KCNJ4: variants seen among roughly 807,000 people sequenced by gnomAD.
KCNJ4 encodes potassium inwardly rectifying channel subfamily J member 4.
A neutral mutation model predicts 25.6 loss-of-function variants in KCNJ4; 3 were observed. The observed-to-expected ratio is 0.12, with a 90% CI of 0.05 to 0.30. The LOEUF (loss-of-function observed/expected upper bound fraction) is 0.30, where lower values mean the gene tolerates loss of function less well. Ranked by LOEUF, KCNJ4 falls within the 10% of genes least tolerant of loss-of-function variation. KCNJ4 has a pLI of 1.00. For missense variants in KCNJ4, 286 were observed against 666.8 expected (o/e 0.43, Z 6.29); for synonymous variants, 257 against 283.9 (o/e 0.91, Z 0.95).
chr22:38,450,812 G>A (rs1002880812), intron 1 of KCNJ4, among the ~76,000 whole-genome samples: 14 of 152,176 alleles, frequency 9.2e-5, no homozygotes, highest in Non-Finnish European at 1.5e-4. Context: ...AGCCCCCAGA[G>A]GAGCCAGAGG....
chr22:38,451,514 G>A (rs958586594), intron 1 of KCNJ4, among the ~76,000 whole-genome samples: 3 of 152,220 alleles, frequency 2.0e-5, no homozygotes, highest in African/African-American at 7.2e-5. Context: ...AGGACAGTGG[G>A]GTGAGGGGAT....
intron 1 of KCNJ4, among the ~76,000 whole-genome samples, chr22:38,445,427 A>C (rs1332825702): frequency 6.6e-6 from 1 of 152,206 alleles, no homozygotes; most frequent in Non-Finnish European, 1.5e-5. Flanking sequence ...GTAGCTTTCA[A>C]GTTTTTTGAC....
At position 38,426,957 on chromosome 22, in the gene KCNJ4, A is replaced by T; in HGVS notation, c.1176T>A (p.Ala392=). Residue 392 remains alanine, a synonymous_variant, in exon 2 of 2, where the codon GCT becomes GCA. Transcript: ENST00000303592. ...GGCCTGCGGCCACCGCGGCCGCCGC[A>T]GCTGCCTCCTCCTCCATCTCCTCTT... is the stretch of plus-strand genomic sequence containing the variant. ...QEEEEMEEEA[A]AAAAVAAGLG... The T allele has an allele frequency of 6.2e-7, 1 of 1,612,618 alleles. No homozygotes were observed. The highest frequency in any genetic ancestry group is 8.5e-7 in the Non-Finnish European group (1 of 1,179,778).
rs2093038366 is a variant in KCNJ4, at chr22:38,428,043, C to T, written c.90G>A (p.Val30=). ...ACTTGTTGCTCAGGTTGGCGAAGTA[C>T]ACGTTGCATTGGCCGTTCTTCTTGA... The part of the protein sequence containing the change: ...RFVKKNGQCN[V]YFANLSNKSQ... The change falls in exon 2 of 2, where the codon GTG becomes GTA. Residue 30 remains valine, a synonymous_variant. Coordinates refer to ENST00000303592, the MANE Select transcript of KCNJ4 (RefSeq NM_152868.3). 2 of 1,614,176 alleles carry T rather than the reference C, an allele frequency of 1.2e-6. No homozygotes were observed. Among genetic ancestry groups the T allele is most frequent in the Admixed American group, 1.7e-5 (1 of 60,034 alleles).
chr22:38,436,245 G>T (rs1261363491), intron 1 of KCNJ4, among the ~76,000 whole-genome samples: 1 of 152,214 alleles, frequency 6.6e-6, no homozygotes, highest in Non-Finnish European at 1.5e-5. Context: ...GATCGATAAG[G>T]TGCATTTTAC....
chr22:38,448,103 G>A (rs1044896428), intron 1 of KCNJ4, among the ~76,000 whole-genome samples: 1 of 150,758 alleles, frequency 6.6e-6, no homozygotes, highest in Non-Finnish European at 1.5e-5. Context: ...AAAAGTAGCC[G>A]GGCATGGTGG....
chr22:38,440,406 G>T (rs954257203), intron 1 of KCNJ4, among the ~76,000 whole-genome samples: 1 of 152,110 alleles, frequency 6.6e-6, no homozygotes, highest in African/African-American at 2.4e-5. Flanking sequence ...GCCAGGCATG[G>T]TGGTGCATGC....
chr22:38,441,345 C>G (rs1005072753), intron 1 of KCNJ4, among the ~76,000 whole-genome samples: 1 of 152,068 alleles, frequency 6.6e-6, no homozygotes, highest in Non-Finnish European at 1.5e-5. Flanking sequence ...TTCTGCTGGG[C>G]GGGGGTCAGG....
Position 38,426,730 on chromosome 22 carries a change from G to A in KCNJ4, c.*65C>T, listed in dbSNP as rs2093033523. 1 of 1,538,034 alleles carries A rather than the reference G, an allele frequency of 6.5e-7. No homozygotes were observed. On this transcript the variant is annotated 3_prime_UTR_variant, in exon 2 of 2. Transcript: ENST00000303592. ...TGGCTCTGTCCTGAGTGTGGGAGGGGGTGTCCTGGCATCCCACCCCCGGCA... is the reference window on the plus strand; with the variant it reads ...TGGCTCTGTCCTGAGTGTGGGAGGGAGTGTCCTGGCATCCCACCCCCGGCA...
intron 1 of KCNJ4, among the ~76,000 whole-genome samples, chr22:38,444,361 G>A (rs974616211): frequency 6.6e-5 from 10 of 152,218 alleles, no homozygotes; most frequent in South Asian, 2.1e-4. Flanking sequence ...TTTTTGACAC[G>A]GTAGTCAGGG....
intron 1 of KCNJ4, among the ~76,000 whole-genome samples, chr22:38,439,084 A>C (rs924455790): frequency 1.3e-5 from 2 of 152,184 alleles, no homozygotes; most frequent in Admixed American, 1.3e-4. Flanking sequence ...CATCTCTACA[A>C]AAAATTTAAG....
At position 38,428,183 on chromosome 22, in the gene KCNJ4, A is replaced by G. The variant is rs946341521; in HGVS notation, c.-39-12T>C. On this transcript the variant is annotated splice_polypyrimidine_tract_variant and intron_variant, in intron 1 of 1. Coordinates refer to ENST00000303592, the MANE Select transcript of KCNJ4 (RefSeq NM_152868.3). ...GGAAGACGCAGGGCCTGCGGAGGAG[A>G]AGCCGGACAGGTGAGATGCTGGGGA... is the stretch of plus-strand genomic sequence containing the variant. 28 of 1,562,346 alleles carry G rather than the reference A, an allele frequency of 1.8e-5. No individual in the cohort carries two copies. Among genetic ancestry groups the G allele is most frequent in the Non-Finnish European group, 2.4e-5 (28 of 1,154,578 alleles).
chr22:38,450,267 C>G (rs567762192), intron 1 of KCNJ4, among the ~76,000 whole-genome samples: 2 of 152,238 alleles, frequency 1.3e-5, no homozygotes, highest in African/African-American at 4.8e-5. Flanking sequence ...CCAGGACCCA[C>G]AGTCCTCCCA....
intron 1 of KCNJ4, among the ~76,000 whole-genome samples, chr22:38,452,227 T>C (rs2089414217): frequency 6.6e-6 from 1 of 152,120 alleles, no homozygotes; most frequent in Non-Finnish European, 1.5e-5. Flanking sequence ...GGCCAGCCGT[T>C]CTCTATACAG....
chr22:38,433,381 G>C lies in KCNJ4; in HGVS notation c.-39-5210C>G, dbSNP rs561003723. Among the ~76,000 whole-genome samples, 455 of 152,266 alleles carry C rather than the reference G, an allele frequency of 3.0e-3. 3 individuals carry two copies. The highest frequency in any genetic ancestry group is 0.011 in the African/African-American group (444 of 41,552). ...GAATCACTTGAACCTGGGAGGCGGA[G>C]GTTGCAGTGAGCCGAGATCGTGTCA... On this transcript the variant is annotated intron_variant, in intron 1 of 1. Transcript: ENST00000303592.
In KCNJ4 at chr22:38,426,922, T is replaced by TCCAGGC; in HGVS notation, c.1205_1210dup (p.Gly402_Leu403dup). The TCCAGGC allele has an allele frequency of 6.2e-7, 1 of 1,612,706 alleles. No individual in the cohort carries two copies. The highest frequency in any genetic ancestry group is 8.5e-7 in the Non-Finnish European group (1 of 1,179,858). ...GCCCGCCTCCTCCTTGGAACCCGCC[T>TCCAGGC]CCAGGCCCAGGCCTGCGGCCACCGC... On this transcript the variant is annotated inframe_insertion, in exon 2 of 2. Transcript: ENST00000303592.
At chr22:38,442,471 C>T (rs535724187) in intron 1 of KCNJ4, among the ~76,000 whole-genome samples, 11 of 143,100 alleles carry the variant, frequency 7.7e-5, no homozygotes, top group South Asian at 2.3e-4. Flanking sequence ...GGTGTGAACC[C>T]GGTAGACGGA....
intron 1 of KCNJ4, among the ~76,000 whole-genome samples, chr22:38,441,811 C>A (rs547169928): frequency 5.1e-4 from 78 of 152,330 alleles, no homozygotes; most frequent in Non-Finnish European, 9.0e-4. Flanking sequence ...AGCAGCCTTG[C>A]CTTCAGCAGC....
chr22:38,444,491 C>T (rs2089359733), intron 1 of KCNJ4, among the ~76,000 whole-genome samples: 1 of 152,194 alleles, frequency 6.6e-6, no homozygotes, highest in Non-Finnish European at 1.5e-5. Context: ...GGGCTCATGC[C>T]TCTGCCTCAC....
Sources: allele counts gnomAD v4.1 joint callset (sites outside exome capture counted in the v4.1 genomes callset), GRCh38; gene constraint gnomAD v4.1.1; transcripts MANE v1.5; gene names NCBI Gene and HGNC (gene_info 2026-07-23, HGNC 2026-07-21).